The following CDH13 variants were observed in gnomAD, a reference collection of about 807,000 sequenced individuals.
The protein encoded by CDH13 is cadherin 13, also known as cadherin-13.
In CDH13, 24 loss-of-function variants were observed where a neutral mutation model predicts 63.8. The observed-to-expected ratio is 0.38, with a 90% CI of 0.27 to 0.53. CDH13 has a LOEUF of 0.53. CDH13 is among the 20% of genes least tolerant of loss of function. The pLI, the probability that CDH13 is intolerant of heterozygous loss-of-function variation, is 0.85. For synonymous variants in CDH13, 503 were observed against 355.3 expected (o/e 1.42, Z -4.67); for missense variants, 1,049 against 903.1 (o/e 1.16, Z -2.07).
chr16:83,261,160 G>A (rs183701929), intron 5 of CDH13, among the ~76,000 whole-genome samples: 6 of 152,226 alleles, frequency 3.9e-5, no homozygotes, highest in East Asian at 1.9e-4. Context: ...TAGTGACCAC[G>A]GTTCAGTTTC....
chr16:83,060,087 C>T lies in CDH13; in HGVS notation c.366+27869C>T, dbSNP rs955390696. 7.2e-5 allele frequency among the ~76,000 whole-genome samples: 11 copies of T among 152,210 alleles called. No individual in the cohort carries two copies. In the East Asian group the frequency reaches 1.9e-3, roughly 27 times the overall value. On this transcript the variant is annotated intron_variant, in intron 3 of 13. Coordinates refer to ENST00000567109, the MANE Select transcript of CDH13 (RefSeq NM_001257.5). ...GGGATTACAAACGTGAGCCACCGCA[C>T]CCGGCCTACTTTTACGTCTCATAAC...
chr16:83,245,432 C>G (rs575884965), intron 5 of CDH13, among the ~76,000 whole-genome samples: 1 of 152,230 alleles, frequency 6.6e-6, no homozygotes, highest in Non-Finnish European at 1.5e-5. Flanking sequence ...AATTGAAATA[C>G]TGTCTCATAC....
At chr16:83,588,688 A>G (rs1031656275) in intron 7 of CDH13, among the ~76,000 whole-genome samples, 1 of 152,246 alleles carries the variant, frequency 6.6e-6, no homozygotes. Context: ...ACCACTTTGT[A>G]GATGGCAGGA....
chr16:83,404,187 G>T (rs1380264085), intron 6 of CDH13, among the ~76,000 whole-genome samples: 2 of 152,162 alleles, frequency 1.3e-5, no homozygotes, highest in Non-Finnish European at 2.9e-5. Context: ...ATAATCCTTT[G>T]TTGGGGGAAC....
chr16:83,335,378 G>C (rs2090570749), intron 5 of CDH13, among the ~76,000 whole-genome samples: 1 of 120,370 alleles, frequency 8.3e-6, no homozygotes, highest in African/African-American at 3.2e-5. Context: ...GCATTTCAAG[G>C]TTTTGTGTGA....
chr16:82,767,000 C>T (rs575291025), intron 1 of CDH13, among the ~76,000 whole-genome samples: 2 of 152,260 alleles, frequency 1.3e-5, no homozygotes, highest in East Asian at 3.9e-4. Flanking sequence ...CCTATCTTTC[C>T]TTCTGTGTGT....
intron 5 of CDH13, among the ~76,000 whole-genome samples, chr16:83,262,344 G>A (rs1330116381): frequency 6.6e-6 from 1 of 152,138 alleles, no homozygotes; most frequent in Non-Finnish European, 1.5e-5. Flanking sequence ...TGTGTAGGGA[G>A]ACTCTGAGAG....
chr16:83,795,036 C>A lies in CDH13; in HGVS notation c.*6C>A, dbSNP rs377275844. On this transcript the variant is annotated 3_prime_UTR_variant, in exon 14 of 14. Coordinates refer to ENST00000567109, the MANE Select transcript of CDH13 (RefSeq NM_001257.5). The stretch of plus-strand genomic sequence containing the variant: ...CTCTCTATTCAGGTCTGTGAGAACT[C>A]CTGACGTCTGAAGCTTGACTCCCAA... 7 of 1,591,842 alleles carry A rather than the reference C, an allele frequency of 4.4e-6. No individual in the cohort carries two copies. In the African/African-American group the frequency reaches 6.7e-5, roughly 15 times the overall value.
At chr16:83,330,184 TAGAC>T (rs1168992837) in intron 5 of CDH13, among the ~76,000 whole-genome samples, 2 of 152,058 alleles carry the variant, frequency 1.3e-5, no homozygotes, top group African/African-American at 4.8e-5. Context: ...TATAACTAAA[TAGAC>T]ACACACATAC....
At chr16:82,649,846 C>T (rs74463836) in intron 1 of CDH13, among the ~76,000 whole-genome samples, 15,656 of 152,192 alleles carry the variant, frequency 0.1, 1,006 homozygotes, top group East Asian at 0.24. Flanking sequence ...TCTCTGCTTC[C>T]GACCCCTCAT....
intron 1 of CDH13, among the ~76,000 whole-genome samples, chr16:82,827,432 G>C (rs2038307252): frequency 6.6e-6 from 1 of 152,162 alleles, no homozygotes; most frequent in African/African-American, 2.4e-5. Flanking sequence ...TCTGAACAAA[G>C]AACCTCACCA....
chr16:83,044,036 G>A (rs1231420579), intron 3 of CDH13, among the ~76,000 whole-genome samples: 1 of 152,158 alleles, frequency 6.6e-6, no homozygotes. Context: ...CAGGAATATT[G>A]CATTTTTTGA....
At chr16:83,415,799 C>G (rs2092192032) in intron 6 of CDH13, among the ~76,000 whole-genome samples, 1 of 152,132 alleles carries the variant, frequency 6.6e-6, no homozygotes, top group African/African-American at 2.4e-5. Context: ...TAACGTCATA[C>G]TCAACAGTGA....
At chr16:82,825,557 TC>T (rs1317011955) in intron 1 of CDH13, 1 of 146,536 alleles carries the variant, frequency 6.8e-6, no homozygotes, top group African/African-American at 2.6e-5. Context: ...TTTTTTTTTT[TC>T]CCAAACAGAG....
chr16:83,109,493 G>T (rs2034956863), intron 3 of CDH13, among the ~76,000 whole-genome samples: 1 of 152,116 alleles, frequency 6.6e-6, no homozygotes, highest in Non-Finnish European at 1.5e-5. Context: ...CCACAGGGAA[G>T]GTATGTGTCA....
chr16:82,727,228 C>G (rs2033148058), intron 1 of CDH13, among the ~76,000 whole-genome samples: 1 of 152,262 alleles, frequency 6.6e-6, no homozygotes, highest in Middle Eastern at 3.4e-3. Flanking sequence ...TGGACACACT[C>G]TGGTGTTTGC....
At chr16:83,187,515 C>A (rs2038562533) in intron 4 of CDH13, among the ~76,000 whole-genome samples, 1 of 152,038 alleles carries the variant, frequency 6.6e-6, no homozygotes, top group Non-Finnish European at 1.5e-5. Context: ...ACAGCCTGGC[C>A]TGAAGCCTCA....
intron 5 of CDH13, among the ~76,000 whole-genome samples, chr16:83,263,452 A>T (rs994547902): frequency 2.6e-5 from 4 of 152,178 alleles, no homozygotes; most frequent in African/African-American, 7.2e-5. Context: ...ATATGCAGAG[A>T]TCTACCAACC....
intron 6 of CDH13, among the ~76,000 whole-genome samples, chr16:83,416,812 C>G (rs1345013178): frequency 1.3e-5 from 2 of 152,116 alleles, no homozygotes; most frequent in Non-Finnish European, 2.9e-5. Flanking sequence ...GTCTTTAAGC[C>G]ACCTAATTAA....
Sources: gnomAD v4.1 joint callset for allele counts (sites outside exome capture counted in the v4.1 genomes callset) on GRCh38, gnomAD v4.1.1 for gene constraint, MANE v1.5 for transcripts, NCBI Gene and HGNC (gene_info 2026-07-23, HGNC 2026-07-21) for gene names.